GRM1: variants seen among roughly 807,000 people sequenced by gnomAD.
GRM1 encodes the protein glutamate metabotropic receptor 1, also known as metabotropic glutamate receptor 1.
A neutral mutation model predicts 90.9 loss-of-function variants in GRM1; 33 were observed. That is an observed-to-expected ratio of 0.36 (90% confidence interval 0.28 to 0.49). The LOEUF (loss-of-function observed/expected upper bound fraction) is 0.49. Ranked by LOEUF, GRM1 falls within the 20% of genes least tolerant of loss-of-function variation. The probability of loss-of-function intolerance (pLI) is 0.99; values close to 1 mark genes in which losing one functional copy is unlikely to be tolerated. For missense variants in GRM1, 1,190 were observed against 1,534.3 expected (o/e 0.78, Z 3.75); for synonymous variants, 700 against 613.2 (o/e 1.14, Z -2.09).
At chr6:146,356,844 A>G (rs1785603100) in intron 4 of GRM1, among the ~76,000 whole-genome samples, 1 of 152,186 alleles carries the variant, frequency 6.6e-6, no homozygotes, top group Non-Finnish European at 1.5e-5. Flanking sequence ...GATATACTGT[A>G]TGTATATAGT....
At chr6:146,035,929 C>T (rs1173239051) in intron 1 of GRM1, among the ~76,000 whole-genome samples, 4 of 151,856 alleles carry the variant, frequency 2.6e-5, no homozygotes, top group Non-Finnish European at 4.4e-5. Context: ...TAAACTTGAA[C>T]TCTTTGTGAT....
At chr6:146,217,194 C>T (rs1779902449) in intron 2 of GRM1, among the ~76,000 whole-genome samples, 1 of 152,066 alleles carries the variant, frequency 6.6e-6, no homozygotes, top group Admixed American at 6.6e-5. Context: ...GAGGAGAAAG[C>T]AAAGTAATGA....
chr6:146,045,095 T>G lies in GRM1; in HGVS notation c.700+14878T>G, dbSNP rs577654472. Among the ~76,000 whole-genome samples the G allele has an allele frequency of 4.6e-5, 7 of 152,124 alleles. No homozygotes were observed. The South Asian group carries it at 8.3e-4, about 18-fold the overall frequency. The stretch of plus-strand genomic sequence containing the variant: ...ACTTCTTATGACAGTGTATTGTAGA[T>G]GCTTTCCCATACATTTATGAATTAT... On this transcript the variant is annotated intron_variant, in intron 1 of 7. Coordinates refer to ENST00000282753, the MANE Select transcript of GRM1 (RefSeq NM_001278064.2).
At chr6:146,179,896 C>G (rs1001964585) in intron 2 of GRM1, among the ~76,000 whole-genome samples, 20 of 151,574 alleles carry the variant, frequency 1.3e-4, no homozygotes, top group Non-Finnish European at 2.5e-4. Flanking sequence ...TTTCCCAGCA[C>G]TTTGGGAGGC....
intron 1 of GRM1, among the ~76,000 whole-genome samples, chr6:146,124,999 TGTAA>T (rs1445305480): frequency 1.3e-5 from 2 of 152,294 alleles, no homozygotes; most frequent in East Asian, 3.9e-4. Context: ...AATGACATCA[TGTAA>T]GTGAGTTAAA....
At chr6:146,034,934 G>A (rs1012383225) in intron 1 of GRM1, among the ~76,000 whole-genome samples, 20 of 151,878 alleles carry the variant, frequency 1.3e-4, no homozygotes, top group African/African-American at 4.6e-4. Context: ...TACTTTAAGG[G>A]GAGTGCAGTT....
At chr6:146,184,720 A>G (rs956052551) in intron 2 of GRM1, among the ~76,000 whole-genome samples, 11 of 152,168 alleles carry the variant, frequency 7.2e-5, no homozygotes, top group Admixed American at 6.5e-5. Flanking sequence ...TTTATTTTTC[A>G]TGTTATATAT....
chr6:146,172,786 T>A (rs1244576839), intron 2 of GRM1, among the ~76,000 whole-genome samples: 3 of 152,184 alleles, frequency 2.0e-5, no homozygotes, highest in South Asian at 4.1e-4. Flanking sequence ...TTTTTTATAG[T>A]CCTAGAATTT....
chr6:146,336,093 A>G (rs1784762763), intron 3 of GRM1, among the ~76,000 whole-genome samples: 1 of 152,170 alleles, frequency 6.6e-6, no homozygotes, highest in South Asian at 2.1e-4. Flanking sequence ...TAAATTACCC[A>G]GTCTTGGGTA....
At chr6:146,158,046 G>A (rs1032729914) in intron 1 of GRM1, among the ~76,000 whole-genome samples, 3 of 152,272 alleles carry the variant, frequency 2.0e-5, no homozygotes, top group Non-Finnish European at 4.4e-5. Flanking sequence ...GGGTGATGTA[G>A]TATAATTTCC....
At chr6:146,035,379 G>A (rs1790852922) in intron 1 of GRM1, among the ~76,000 whole-genome samples, 2 of 152,042 alleles carry the variant, frequency 1.3e-5, no homozygotes, top group South Asian at 4.1e-4. Context: ...GCAAAAGTTG[G>A]TGAGTGGACG....
chr6:146,278,465 G>C (rs538127274), intron 2 of GRM1, among the ~76,000 whole-genome samples: 228 of 152,252 alleles, frequency 1.5e-3, no homozygotes, highest in African/African-American at 5.3e-3. Flanking sequence ...GAGAGAGTAA[G>C]CTGCTTGTAC....
intron 1 of GRM1, among the ~76,000 whole-genome samples, chr6:146,126,757 G>A (rs533080709): frequency 7.2e-5 from 11 of 152,074 alleles, no homozygotes; most frequent in South Asian, 2.1e-4. Context: ...GAAATCTACT[G>A]TTGAAGAAAG....
chr6:146,081,178 G>T (rs1286230975), intron 1 of GRM1, among the ~76,000 whole-genome samples: 3 of 152,184 alleles, frequency 2.0e-5, no homozygotes, highest in Admixed American at 6.5e-5. Context: ...GTATGAGAGG[G>T]TGTGGGTGGG....
chr6:146,169,929 G>A (rs545153153), intron 2 of GRM1, among the ~76,000 whole-genome samples: 1 of 152,108 alleles, frequency 6.6e-6, no homozygotes, highest in Non-Finnish European at 1.5e-5. Context: ...AGCTATCTTA[G>A]TGAGCATAAA....
intron 1 of GRM1, among the ~76,000 whole-genome samples, chr6:146,057,186 C>T (rs1582938913): frequency 6.6e-6 from 1 of 152,242 alleles, no homozygotes; most frequent in South Asian, 2.1e-4. Context: ...CTTTTTCATC[C>T]TGTCACACAA....
intron 2 of GRM1, among the ~76,000 whole-genome samples, chr6:146,188,852 A>T (rs1027155380): frequency 2.6e-5 from 4 of 152,164 alleles, no homozygotes; most frequent in Non-Finnish European, 5.9e-5. Flanking sequence ...CTTCCAAACA[A>T]CAGTAGTAGT....
intron 1 of GRM1, among the ~76,000 whole-genome samples, chr6:146,126,915 G>A (rs1200217586): frequency 6.6e-6 from 1 of 152,112 alleles, no homozygotes; most frequent in African/African-American, 2.4e-5. Flanking sequence ...TCAGGAGTAG[G>A]TGTGGATTCA....
At chr6:146,432,391 A>G (rs936323472) in intron 7 of GRM1, among the ~76,000 whole-genome samples, 3 of 152,264 alleles carry the variant, frequency 2.0e-5, no homozygotes, top group African/African-American at 7.2e-5. Flanking sequence ...ATTATAAAAT[A>G]TGAAATGTCA....
Sources: allele counts gnomAD v4.1 joint callset (sites outside exome capture counted in the v4.1 genomes callset), GRCh38; gene constraint gnomAD v4.1.1; transcripts MANE v1.5; gene names NCBI Gene and HGNC (gene_info 2026-07-23, HGNC 2026-07-21).